The following AFG1L variants were observed in gnomAD, a reference collection of about 807,000 sequenced individuals.
AFG1L encodes AFG1-like ATPase.
Under a neutral mutation model 62.2 loss-of-function variants are expected in AFG1L, and 53 were observed. The observed-to-expected ratio is 0.85, with a 90% CI of 0.68 to 1.07. AFG1L has a LOEUF of 1.07. AFG1L is among the 50% of genes least tolerant of loss of function. The pLI is 0.00. For synonymous variants in AFG1L, 228 were observed against 210.3 expected (o/e 1.08, Z -0.73); for missense variants, 555 against 590.5 (o/e 0.94, Z 0.62).
chr6:108,368,189 T>G (rs533425235), intron 6 of AFG1L, among the ~76,000 whole-genome samples: 58 of 152,212 alleles, frequency 3.8e-4, no homozygotes, highest in African/African-American at 1.3e-3. Context: ...TATTTATTTA[T>G]TTTTGTTTTG....
Position 108,477,223 on chromosome 6 carries a change from C to T in AFG1L, c.993C>T (p.Gly331=), listed in dbSNP as rs1013487949. 2.5e-5 allele frequency: 40 copies of T among 1,608,028 alleles called. No individual in the cohort carries two copies. The highest frequency in any genetic ancestry group is 3.4e-5 in the Non-Finnish European group (40 of 1,176,246). ...LTRPRILKVQ[G]RELRLNKACG... ...GACCAAGGATTCTAAAAGTGCAAGG[C>T]AGAGAGCTGCGCCTGAATAAAGCCT... Residue 331 remains glycine, a synonymous_variant, in exon 10 of 13, where the codon GGC becomes GGT. Coordinates refer to ENST00000368977, the MANE Select transcript of AFG1L (RefSeq NM_145315.5).
At chr6:108,496,025 A>G (rs1773961584) in intron 10 of AFG1L, among the ~76,000 whole-genome samples, 1 of 152,226 alleles carries the variant, frequency 6.6e-6, no homozygotes, top group Non-Finnish European at 1.5e-5. Context: ...TACTAACTGA[A>G]GTGCCATTTA....
Position 108,356,750 on chromosome 6 carries a change from A to G in AFG1L, c.578A>G (p.Tyr193Cys), listed in dbSNP as rs765552715. The change falls in exon 5 of 13, where the codon TAT becomes TGT. Residue 193 changes from tyrosine (Y) to cysteine (C), a missense_variant. Tyr to Cys is a radical substitution (Grantham distance 194, BLOSUM62 -2). Transcript: ENST00000368977. ...KRKPGFMAKS[Y>C]DPIAPIAEEI... ...AAACCAGGATTCATGGCTAAATCAT[A>G]TGACCCAATAGCTCCCATAGCCGAA... The G allele has an allele frequency of 4.3e-6, 7 of 1,613,282 alleles. No individual in the cohort carries two copies. Among genetic ancestry groups the G allele is most frequent in the Admixed American group, 3.3e-5 (2 of 59,984 alleles).
intron 10 of AFG1L, among the ~76,000 whole-genome samples, chr6:108,478,379 T>G (rs895024839): frequency 3.3e-5 from 5 of 152,228 alleles, no homozygotes; most frequent in African/African-American, 9.6e-5. Context: ...GGAGCCTGCA[T>G]TGAGCCGAGG....
chr6:108,403,917 G>A (rs1290532410), intron 7 of AFG1L, among the ~76,000 whole-genome samples: 2 of 151,726 alleles, frequency 1.3e-5, no homozygotes, highest in Non-Finnish European at 2.9e-5. Flanking sequence ...CATGAACTGA[G>A]AGATATAATA....
At chr6:108,508,836 AAAG>A (rs1368440007) in intron 10 of AFG1L, among the ~76,000 whole-genome samples, 2 of 152,168 alleles carry the variant, frequency 1.3e-5, no homozygotes, top group Non-Finnish European at 2.9e-5. Context: ...AACATTTCTG[AAAG>A]AAGTTTCATG....
chr6:108,489,051 A>G (rs190399034), intron 10 of AFG1L, among the ~76,000 whole-genome samples: 6 of 152,342 alleles, frequency 3.9e-5, no homozygotes, highest in African/African-American at 1.4e-4. Context: ...GCAGGGAGAA[A>G]GTAGAGCACA....
chr6:108,421,597 G>A (rs1413361353), intron 7 of AFG1L, among the ~76,000 whole-genome samples: 17 of 152,048 alleles, frequency 1.1e-4, no homozygotes, highest in Admixed American at 1.1e-3. Context: ...TTACATAATG[G>A]TTGTGATACA....
intron 10 of AFG1L, among the ~76,000 whole-genome samples, chr6:108,478,176 G>A (rs1277237495): frequency 6.6e-6 from 1 of 152,182 alleles, no homozygotes; most frequent in African/African-American, 2.4e-5. Flanking sequence ...GGTGGCTCGC[G>A]CCTGTAATCC....
chr6:108,401,543 G>C (rs1582524181), intron 6 of AFG1L, among the ~76,000 whole-genome samples: 1 of 152,240 alleles, frequency 6.6e-6, no homozygotes, highest in Middle Eastern at 3.4e-3. Flanking sequence ...CCTCCCCAAA[G>C]TGCTAGGATT....
chr6:108,347,099 AG>A (rs1437491217), intron 3 of AFG1L, 60 bp downstream of exon 3: 1 of 1,346,698 alleles, frequency 7.4e-7, no homozygotes, highest in African/African-American at 1.4e-5. Flanking sequence ...GCTTTCTCTC[AG>A]GGATGATTTC....
chr6:108,465,857 T>A (rs1209902760), intron 8 of AFG1L, among the ~76,000 whole-genome samples: 1 of 152,164 alleles, frequency 6.6e-6, no homozygotes, highest in Non-Finnish European at 1.5e-5. Context: ...AATTTAACTT[T>A]TTTAAAGAGT....
chr6:108,455,423 T>C (rs75462825), intron 8 of AFG1L, among the ~76,000 whole-genome samples: 8,563 of 152,286 alleles, frequency 0.056, 595 homozygotes, highest in African/African-American at 0.16. Flanking sequence ...TTTAAGTCTA[T>C]TGATCTTCCC....
intron 1 of AFG1L, among the ~76,000 whole-genome samples, chr6:108,311,424 TC>T (rs1403328833): frequency 3.3e-5 from 5 of 152,252 alleles, no homozygotes; most frequent in Admixed American, 6.5e-5. Context: ...ATCTGCCCGT[TC>T]CCCTTATGAC....
chr6:108,416,743 G>A (rs1301188070), intron 7 of AFG1L, among the ~76,000 whole-genome samples: 1 of 152,068 alleles, frequency 6.6e-6, no homozygotes, highest in African/African-American at 2.4e-5. Flanking sequence ...TTGGACACAG[G>A]GTGAGGAACA....
intron 7 of AFG1L, among the ~76,000 whole-genome samples, chr6:108,446,958 A>G (rs1347091296): frequency 1.3e-5 from 2 of 152,178 alleles, no homozygotes; most frequent in Non-Finnish European, 1.5e-5. Context: ...TGCTGACAGC[A>G]CTTTTTAGGC....
intron 1 of AFG1L, among the ~76,000 whole-genome samples, chr6:108,306,367 G>A (rs1351528874): frequency 6.6e-6 from 1 of 152,142 alleles, no homozygotes; most frequent in Non-Finnish European, 1.5e-5. Context: ...TCTAAAGTGG[G>A]ATGAAATTTG....
intron 3 of AFG1L, among the ~76,000 whole-genome samples, chr6:108,354,180 C>T (rs1779180815): frequency 1.3e-5 from 2 of 152,164 alleles, no homozygotes; most frequent in Admixed American, 1.3e-4. Flanking sequence ...GGGAATAAGG[C>T]ATTTTATGCT....
intron 7 of AFG1L, among the ~76,000 whole-genome samples, chr6:108,445,768 TA>T (rs1472497024): frequency 6.6e-6 from 1 of 151,934 alleles, no homozygotes; most frequent in Non-Finnish European, 1.5e-5. Flanking sequence ...TGTGGTACCC[TA>T]AAACAATTAC....
Sources: allele counts gnomAD v4.1 joint callset (sites outside exome capture counted in the v4.1 genomes callset), GRCh38; gene constraint gnomAD v4.1.1; transcripts MANE v1.5; gene names NCBI Gene and HGNC (gene_info 2026-07-23, HGNC 2026-07-21).